Variants in AMPH observed in about 807,000 individuals in gnomAD.
AMPH encodes the protein amphiphysin.
AMPH carries 49 observed loss-of-function variants against 99.1 expected under a neutral mutation model. The ratio of observed to expected loss-of-function variants is 0.49; its 90% CI spans 0.39 to 0.63. The LOEUF (loss-of-function observed/expected upper bound fraction) is 0.63, where lower values mean the gene tolerates loss of function less well. AMPH is among the 20% of genes least tolerant of loss of function. The pLI is 0.00. For synonymous variants in AMPH, 314 were observed against 317.3 expected, an observed-to-expected ratio of 0.99 and a Z score of 0.11; for missense variants, 759 against 863.4, an observed-to-expected ratio of 0.88 and a Z score of 1.52.
chr7:38,571,344 T>TATATTTATATATAGA (rs1554364721), intron 1 of AMPH, among the ~76,000 whole-genome samples: 88 of 41,650 alleles, frequency 2.1e-3, no homozygotes, highest in African/African-American at 8.2e-3. Context: ...ATATATAGAA[T>TATATTTATATATAGA]ATATATATTT....
intron 11 of AMPH, among the ~76,000 whole-genome samples, chr7:38,455,347 A>C (rs1787190795): frequency 6.6e-6 from 1 of 152,206 alleles, no homozygotes; most frequent in Admixed American, 6.5e-5. Flanking sequence ...CTGGGATTAC[A>C]GGTGTGAGCC....
chr7:38,494,285 G>T, intron 4 of AMPH, 148 bp downstream of exon 4: 2 of 656,512 alleles, frequency 3.0e-6, no homozygotes, highest in Non-Finnish European at 5.3e-6. Flanking sequence ...TCTAAGTTTG[G>T]AATCATCAGG....
In AMPH at chr7:38,458,763, G is replaced by A. The variant is rs1465429004; in HGVS notation, c.1017+2520C>T. Among the ~76,000 whole-genome samples the A allele has an allele frequency of 2.6e-5, 4 of 152,106 alleles. No homozygotes were observed. The East Asian group carries it at 7.7e-4, about 29-fold the overall frequency. ...AAGCACAGGTAGCATCATAGTGAAT[G>A]GGAGAAAAGCTGAAAGCCTTTCTTC... On this transcript the variant is annotated intron_variant, in intron 11 of 20. Coordinates refer to ENST00000356264, the MANE Select transcript of AMPH (RefSeq NM_001635.4).
intron 9 of AMPH, chr7:38,463,967 T>C (rs1017729307): frequency 2.2e-6 from 2 of 924,604 alleles, no homozygotes; most frequent in African/African-American, 1.7e-5. Flanking sequence ...CTGAGGAAAC[T>C]GGGTCCTTTA....
chr7:38,468,401 A>C (rs1243592960), intron 7 of AMPH, among the ~76,000 whole-genome samples: 1 of 152,190 alleles, frequency 6.6e-6, no homozygotes, highest in Non-Finnish European at 1.5e-5. Flanking sequence ...TGGATGCATT[A>C]GGCAAAAACA....
At chr7:38,553,611 G>A (rs1562823361) in intron 1 of AMPH, among the ~76,000 whole-genome samples, 1 of 152,156 alleles carries the variant, frequency 6.6e-6, no homozygotes, top group African/African-American at 2.4e-5. Flanking sequence ...TGCAAAACAA[G>A]CCTGCACCCA....
intron 1 of AMPH, among the ~76,000 whole-genome samples, chr7:38,571,881 C>A (rs1437957896): frequency 2.0e-5 from 3 of 150,532 alleles, no homozygotes; most frequent in African/African-American, 7.3e-5. Flanking sequence ...AAGCTCCATT[C>A]ATGATAAGTA....
intron 1 of AMPH, among the ~76,000 whole-genome samples, chr7:38,608,132 C>T (rs964347296): frequency 2.0e-5 from 3 of 152,204 alleles, no homozygotes; most frequent in African/African-American, 7.2e-5. Context: ...GCCACCACGC[C>T]TGGCCCTTCA....
chr7:38,583,140 C>T (rs1792526651), intron 1 of AMPH, among the ~76,000 whole-genome samples: 1 of 152,198 alleles, frequency 6.6e-6, no homozygotes, highest in Non-Finnish European at 1.5e-5. Context: ...AGCTCCCTTT[C>T]ACTCAAAACA....
Position 38,394,102 on chromosome 7 carries a change from C to G in AMPH, c.1511G>C (p.Gly504Ala). ...AEKATVPAGEGVSLEEAKIGT... is the reference protein window; with the variant it reads ...AEKATVPAGEAVSLEEAKIGT... ...AATTTTGGCCTCCTCTAAACTTACT[C>G]CTTCCCCGGCAGGGACAGTGGCCTT... The change falls in exon 18 of 21, where the codon GGA (glycine) becomes GCA (alanine). Residue 504 changes from glycine to alanine, a missense_variant. By Grantham distance (60) the Gly-to-Ala change is moderately conservative. Coordinates refer to ENST00000356264, the MANE Select transcript of AMPH (RefSeq NM_001635.4). The G allele has an allele frequency of 6.2e-7, 1 of 1,614,056 alleles. No homozygotes were observed. Among genetic ancestry groups the G allele is most frequent in the East Asian group, 2.2e-5 (1 of 44,888 alleles).
At chr7:38,427,238 A>T (rs1436481911) in intron 14 of AMPH, among the ~76,000 whole-genome samples, 1 of 152,194 alleles carries the variant, frequency 6.6e-6, no homozygotes, top group Non-Finnish European at 1.5e-5. Flanking sequence ...TGCCAACCAA[A>T]ACCCACTTTC....
At chr7:38,467,669 A>G (rs573786338) in intron 7 of AMPH, among the ~76,000 whole-genome samples, 12 of 74,800 alleles carry the variant, frequency 1.6e-4, no homozygotes, top group Admixed American at 4.4e-4. Flanking sequence ...TGTGTGTAAG[A>G]GAAATAAGCA....
intron 1 of AMPH, among the ~76,000 whole-genome samples, chr7:38,555,246 AT>A (rs1344488259): frequency 8.5e-5 from 8 of 94,394 alleles, no homozygotes; most frequent in South Asian, 3.9e-4. Flanking sequence ...CTCTAACACA[AT>A]TTAAAAAAAA....
chr7:38,445,072 TAC>T (rs144895014), intron 11 of AMPH, among the ~76,000 whole-genome samples: 4 of 136,698 alleles, frequency 2.9e-5, no homozygotes, highest in East Asian at 3.9e-4. Context: ...CATATATATA[TAC>T]ACATATATAC....
At chr7:38,591,444 T>G (rs1458415054) in intron 1 of AMPH, among the ~76,000 whole-genome samples, 1 of 152,180 alleles carries the variant, frequency 6.6e-6, no homozygotes, top group South Asian at 2.1e-4. Flanking sequence ...TGCGCCACCA[T>G]GCCCGGCTAA....
At chr7:38,461,760 G>C (rs1408264215) in intron 10 of AMPH, among the ~76,000 whole-genome samples, 2 of 152,190 alleles carry the variant, frequency 1.3e-5, no homozygotes, top group Non-Finnish European at 2.9e-5. Flanking sequence ...TCTCATTTTG[G>C]AAATAAATTA....
At chr7:38,395,718 C>G (rs1025695719) in intron 17 of AMPH, among the ~76,000 whole-genome samples, 1 of 152,136 alleles carries the variant, frequency 6.6e-6, no homozygotes, top group Non-Finnish European at 1.5e-5. Context: ...CTATCCAGTT[C>G]AACATCTTAA....
At chr7:38,469,406 A>T (rs1428653493) in intron 7 of AMPH, among the ~76,000 whole-genome samples, 1 of 152,170 alleles carries the variant, frequency 6.6e-6, no homozygotes, top group Non-Finnish European at 1.5e-5. Flanking sequence ...AGCTTATCAC[A>T]GCTACAGATT....
intron 19 of AMPH, among the ~76,000 whole-genome samples, chr7:38,391,021 TACA>T (rs1053106735): frequency 6.6e-5 from 9 of 137,358 alleles, no homozygotes; most frequent in African/African-American, 2.4e-4. Context: ...GAGAGAATGA[TACA>T]ACATTTTACA....
Sources: allele counts gnomAD v4.1 joint callset (sites outside exome capture counted in the v4.1 genomes callset), GRCh38; gene constraint gnomAD v4.1.1; transcripts MANE v1.5; gene names NCBI Gene and HGNC (gene_info 2026-07-23, HGNC 2026-07-21).